The following PPFIA2 variants were observed in gnomAD, a reference collection of about 807,000 sequenced individuals.
PPFIA2 encodes the protein liprin-alpha-2.
Under a neutral mutation model 175.5 loss-of-function variants are expected in PPFIA2, and 46 were observed. The ratio of observed to expected loss-of-function variants is 0.26; its 90% CI spans 0.21 to 0.34. The LOEUF (loss-of-function observed/expected upper bound fraction) is 0.34, where lower values mean the gene tolerates loss of function less well. Among genes scored for constraint, PPFIA2 ranks in the 10% least tolerant of loss-of-function variants. The pLI is 1.00. For synonymous variants in PPFIA2, 568 were observed against 511.4 expected (o/e 1.11, Z -1.49); for missense variants, 1,179 against 1,506.1 (o/e 0.78, Z 3.60).
intron 22 of PPFIA2, among the ~76,000 whole-genome samples, chr12:81,322,451 C>G (rs532440656): frequency 4.6e-5 from 7 of 151,996 alleles, no homozygotes; most frequent in Non-Finnish European, 8.8e-5. Flanking sequence ...AATACTGAAA[C>G]TAAATATTGA....
chr12:81,426,681 T>C (rs1376269403), intron 7 of PPFIA2, among the ~76,000 whole-genome samples: 1 of 152,138 alleles, frequency 6.6e-6, no homozygotes, highest in African/African-American at 2.4e-5. Flanking sequence ...TTTATTTATT[T>C]ATTTATTTAG....
chr12:81,315,178 C>A (rs2052024679), intron 22 of PPFIA2, among the ~76,000 whole-genome samples: 1 of 151,766 alleles, frequency 6.6e-6, no homozygotes. Flanking sequence ...AGGTTTCTAA[C>A]AAGAGTTGCA....
intron 8 of PPFIA2, among the ~76,000 whole-genome samples, chr12:81,387,706 C>T (rs1304659591): frequency 2.0e-5 from 3 of 152,058 alleles, no homozygotes; most frequent in Non-Finnish European, 2.9e-5. Context: ...TATGGCAAAA[C>T]CCCTCTAAAA....
chr12:81,487,325 T>C (rs1199507914), intron 4 of PPFIA2, among the ~76,000 whole-genome samples: 1 of 151,922 alleles, frequency 6.6e-6, no homozygotes. Flanking sequence ...TTGGGAAATT[T>C]AGTTTACCTT....
chr12:81,341,048 T>C, intron 20 of PPFIA2, 30 bp downstream of exon 20: 1 of 1,564,286 alleles, frequency 6.4e-7, no homozygotes, highest in Non-Finnish European at 8.7e-7. Flanking sequence ...AGGAGGGCAT[T>C]CAGTGTGCAG....
intron 10 of PPFIA2, among the ~76,000 whole-genome samples, chr12:81,375,161 GACAA>G: frequency 6.6e-6 from 1 of 152,238 alleles, no homozygotes; most frequent in East Asian, 1.9e-4. Flanking sequence ...AGATAAGGTT[GACAA>G]ACATTTTCTG....
At chr12:81,645,691 T>A (rs2065962827) in intron 4 of PPFIA2, among the ~76,000 whole-genome samples, 1 of 152,252 alleles carries the variant, frequency 6.6e-6, no homozygotes, top group Non-Finnish European at 1.5e-5. Context: ...ACAAACTGTT[T>A]AATTATCAGC....
intron 4 of PPFIA2, among the ~76,000 whole-genome samples, chr12:81,495,209 A>G (rs1022231823): frequency 6.6e-5 from 10 of 152,102 alleles, no homozygotes; most frequent in Non-Finnish European, 1.3e-4. Context: ...ACACATCTAT[A>G]AATTAACATC....
chr12:81,497,341 T>G (rs2060125425), intron 4 of PPFIA2, among the ~76,000 whole-genome samples: 1 of 152,134 alleles, frequency 6.6e-6, no homozygotes, highest in South Asian at 2.1e-4. Flanking sequence ...GTGTCTTCCT[T>G]TTTTATCTTT....
At chr12:81,538,811 T>C (rs2065788029) in intron 4 of PPFIA2, among the ~76,000 whole-genome samples, 1 of 151,766 alleles carries the variant, frequency 6.6e-6, no homozygotes, top group African/African-American at 2.4e-5. Context: ...ATTCTAAGAA[T>C]GTTGGCTTCC....
intron 4 of PPFIA2, among the ~76,000 whole-genome samples, chr12:81,603,550 T>TTA (rs2060000699): frequency 6.6e-6 from 1 of 151,560 alleles, no homozygotes; most frequent in Admixed American, 6.6e-5. Context: ...TTTAAGAGCA[T>TTA]TATATATATC....
chr12:81,395,447 T>C (rs1462387502), intron 8 of PPFIA2, among the ~76,000 whole-genome samples: 2 of 152,012 alleles, frequency 1.3e-5, no homozygotes, highest in Non-Finnish European at 2.9e-5. Context: ...CAGAAAACGA[T>C]TCCCCCAAAT....
At chr12:81,271,391 C>G (rs1008633398) in intron 28 of PPFIA2, among the ~76,000 whole-genome samples, 2 of 152,200 alleles carry the variant, frequency 1.3e-5, no homozygotes, top group Admixed American at 6.5e-5. Flanking sequence ...CTGCCTCACC[C>G]TCCCAAGTAG....
At chr12:81,565,882 T>A (rs996122328) in intron 4 of PPFIA2, among the ~76,000 whole-genome samples, 5 of 152,224 alleles carry the variant, frequency 3.3e-5, no homozygotes, top group Non-Finnish European at 5.9e-5. Flanking sequence ...TCACTTCATT[T>A]TAGGACAAAT....
At chr12:81,467,399 A>G (rs1593435331) in intron 4 of PPFIA2, among the ~76,000 whole-genome samples, 3 of 152,034 alleles carry the variant, frequency 2.0e-5, no homozygotes, top group African/African-American at 7.2e-5. Flanking sequence ...TTTCTTAAAC[A>G]TGTCTCTGGC....
intron 7 of PPFIA2, among the ~76,000 whole-genome samples, chr12:81,422,274 T>C (rs1055896047): frequency 6.6e-6 from 1 of 151,670 alleles, no homozygotes; most frequent in Non-Finnish European, 1.5e-5. Flanking sequence ...TAGAATTGTG[T>C]CTATATTATT....
chr12:81,416,084 T>G (rs2045199447), intron 7 of PPFIA2, among the ~76,000 whole-genome samples: 1 of 151,616 alleles, frequency 6.6e-6, no homozygotes, highest in Non-Finnish European at 1.5e-5. Context: ...TTAGTGGACA[T>G]TGTTAAGGCA....
intron 4 of PPFIA2, among the ~76,000 whole-genome samples, chr12:81,533,739 A>ATCTATATATC (rs2064977946): frequency 1.4e-4 from 7 of 51,288 alleles, no homozygotes; most frequent in Admixed American, 1.1e-3. Flanking sequence ...ATCTATCTAT[A>ATCTATATATC]TATCTATCTA....
chr12:81,380,767 G>T (rs1441868391), intron 9 of PPFIA2, among the ~76,000 whole-genome samples: 4 of 152,016 alleles, frequency 2.6e-5, no homozygotes, highest in Non-Finnish European at 5.9e-5. Flanking sequence ...GAACCTTGTG[G>T]GTCTCATCTG....
Sources: allele counts gnomAD v4.1 joint callset (sites outside exome capture counted in the v4.1 genomes callset), GRCh38; gene constraint gnomAD v4.1.1; transcripts MANE v1.5; gene names NCBI Gene and HGNC (gene_info 2026-07-23, HGNC 2026-07-21).